FAM110B: variants seen among roughly 807,000 people sequenced by gnomAD.
FAM110B encodes protein FAM110B.
A neutral mutation model predicts 20.4 loss-of-function variants in FAM110B; 6 were observed. That is an observed-to-expected ratio of 0.29 (90% confidence interval 0.16 to 0.58). The LOEUF (loss-of-function observed/expected upper bound fraction) is 0.58. FAM110B is among the 20% of genes least tolerant of loss of function. The pLI, the probability that FAM110B is intolerant of heterozygous loss-of-function variation, is 0.90. For missense variants in FAM110B, 434 were observed against 498.2 expected (o/e 0.87, Z 1.23); for synonymous variants, 226 against 214.1 (o/e 1.06, Z -0.49).
intron 3 of FAM110B, among the ~76,000 whole-genome samples, chr8:58,134,793 T>C (rs192289308): frequency 3.3e-5 from 5 of 152,318 alleles, no homozygotes; most frequent in Admixed American, 2.6e-4. Flanking sequence ...AAATTTAAAA[T>C]GAACAGAACT....
intron 3 of FAM110B, among the ~76,000 whole-genome samples, chr8:58,093,649 A>T (rs767253743): frequency 5.3e-5 from 8 of 150,880 alleles, no homozygotes; most frequent in Non-Finnish European, 1.0e-4. Flanking sequence ...TGGTTACTGT[A>T]GCCTTGTAGT....
At chr8:58,142,021 G>C (rs1324849408) in intron 3 of FAM110B, among the ~76,000 whole-genome samples, 2 of 152,214 alleles carry the variant, frequency 1.3e-5, no homozygotes, top group Non-Finnish European at 2.9e-5. Context: ...TCAGCTGAGG[G>C]TCCTGTTCAC....
At chr8:58,129,526 T>A (rs1156566483) in intron 3 of FAM110B, among the ~76,000 whole-genome samples, 1 of 152,200 alleles carries the variant, frequency 6.6e-6, no homozygotes, top group East Asian at 1.9e-4. Context: ...AATAAATGGC[T>A]CCTGTCCAGT....
chr8:58,084,651 G>A (rs547809948), intron 3 of FAM110B, among the ~76,000 whole-genome samples: 18 of 152,262 alleles, frequency 1.2e-4, no homozygotes, highest in African/African-American at 4.1e-4. Flanking sequence ...GGCGCTCAAA[G>A]TGCTGGGATT....
chr8:58,088,391 T>C (rs922379008), intron 3 of FAM110B, among the ~76,000 whole-genome samples: 13 of 152,196 alleles, frequency 8.5e-5, no homozygotes, highest in African/African-American at 3.1e-4. Flanking sequence ...AGTTTAAAAC[T>C]CCTGCAGTAA....
intron 3 of FAM110B, among the ~76,000 whole-genome samples, chr8:58,083,995 C>T (rs924436884): frequency 6.6e-6 from 1 of 152,080 alleles, no homozygotes; most frequent in Non-Finnish European, 1.5e-5. Context: ...CTGGTTGATC[C>T]GGATCAATGG....
intron 3 of FAM110B, among the ~76,000 whole-genome samples, chr8:58,112,115 G>A (rs1807072453): frequency 6.6e-6 from 1 of 152,062 alleles, no homozygotes; most frequent in Admixed American, 6.5e-5. Flanking sequence ...ACCTGAGGTC[G>A]GGATTTGAGA....
chr8:58,079,221 A>G (rs1806123537), intron 3 of FAM110B, among the ~76,000 whole-genome samples: 1 of 152,178 alleles, frequency 6.6e-6, no homozygotes, highest in African/African-American at 2.4e-5. Context: ...GAGAGTCGGC[A>G]CGACAGTGAG....
intron 3 of FAM110B, among the ~76,000 whole-genome samples, chr8:58,105,331 A>G (rs1386482842): frequency 6.6e-6 from 1 of 152,102 alleles, no homozygotes; most frequent in Non-Finnish European, 1.5e-5. Flanking sequence ...ATGAGAAGAT[A>G]GATATAAAGC....
chr8:58,085,845 C>T (rs1396666778), intron 3 of FAM110B, among the ~76,000 whole-genome samples: 2 of 152,188 alleles, frequency 1.3e-5, no homozygotes, highest in Non-Finnish European at 2.9e-5. Context: ...ACACGGAGCT[C>T]TAGCCTTTAG....
Position 58,037,311 on chromosome 8 carries a change from G to T in FAM110B, c.-414+5608G>T, listed in dbSNP as rs1024918227. ...CTCTAAAAGGAAGTTTTTTTGGTTT[G>T]TTTGTTTGTTTGTTTGTTTTTTTAA... On this transcript the variant is annotated intron_variant, in intron 2 of 3. Transcript: ENST00000519262. Among the ~76,000 whole-genome samples, 11 of 143,598 alleles carry T rather than the reference G, an allele frequency of 7.7e-5. 1 individual carries two copies. In the South Asian group the frequency reaches 2.3e-3, roughly 30 times the overall value. The allele number at this position is 143,598 out of a possible 152,430, so 94.2% of individuals were successfully genotyped here. A position where few individuals can be genotyped will look rare whatever the true frequency, so the allele number is the denominator to read the frequency against.
chr8:58,017,642 A>G (rs1554569818), intron 1 of FAM110B, among the ~76,000 whole-genome samples: 2 of 152,250 alleles, frequency 1.3e-5, no homozygotes, highest in African/African-American at 2.4e-5. Flanking sequence ...TCTGAGTGAC[A>G]TTACAGCCTC....
At chr8:58,077,114 C>T (rs1460521189) in intron 3 of FAM110B, 2 of 152,188 alleles carry the variant, frequency 1.3e-5, no homozygotes, top group African/African-American at 2.4e-5. Flanking sequence ...TCTTACTTAT[C>T]TTCTTATCTC....
At chr8:58,110,199 C>T (rs142827629) in intron 3 of FAM110B, among the ~76,000 whole-genome samples, 238 of 152,108 alleles carry the variant, frequency 1.6e-3, no homozygotes, top group African/African-American at 5.4e-3. Flanking sequence ...TCCTCCAAGG[C>T]GCATGATTAT....
intron 3 of FAM110B, chr8:58,077,274 A>G (rs188448168): frequency 1.3e-5 from 2 of 152,390 alleles, no homozygotes; most frequent in African/African-American, 2.4e-5. Flanking sequence ...CAACAGGCCC[A>G]TGCTTTTCAT....
intron 1 of FAM110B, among the ~76,000 whole-genome samples, chr8:58,011,225 G>A (rs907079977): frequency 6.6e-6 from 1 of 152,122 alleles, no homozygotes; most frequent in African/African-American, 2.4e-5. Context: ...GTGGATTGAG[G>A]GTTCAGAGCC....
intron 2 of FAM110B, among the ~76,000 whole-genome samples, chr8:58,071,212 G>A (rs1371745522): frequency 6.6e-6 from 1 of 152,186 alleles, no homozygotes; most frequent in Non-Finnish European, 1.5e-5. Context: ...GGGCAAGGCT[G>A]AGGTTCAAAT....
chr8:58,100,450 C>G (rs1288437172), intron 3 of FAM110B, among the ~76,000 whole-genome samples: 5 of 152,160 alleles, frequency 3.3e-5, no homozygotes, highest in African/African-American at 9.7e-5. Flanking sequence ...GTTGAGACAA[C>G]AGAAATGTTT....
chr8:58,007,552 A>G (rs995892601), intron 1 of FAM110B, among the ~76,000 whole-genome samples: 1 of 152,182 alleles, frequency 6.6e-6, no homozygotes, highest in African/African-American at 2.4e-5. Flanking sequence ...AGGGGATGGT[A>G]TTCAGAGGTA....
Sources: allele counts gnomAD v4.1 joint callset (sites outside exome capture counted in the v4.1 genomes callset), GRCh38; gene constraint gnomAD v4.1.1; transcripts MANE v1.5; gene names NCBI Gene and HGNC (gene_info 2026-07-23, HGNC 2026-07-21).